The following PI4K2B variants were observed in gnomAD, a reference collection of about 807,000 sequenced individuals.
The protein encoded by PI4K2B is phosphatidylinositol 4-kinase type 2 beta, also known as phosphatidylinositol 4-kinase type 2-beta.
Under a neutral mutation model 56.6 loss-of-function variants are expected in PI4K2B, and 46 were observed. That is an observed-to-expected ratio of 0.81 (90% CI 0.64 to 1.04). The LOEUF (loss-of-function observed/expected upper bound fraction) is 1.04. Ranked by LOEUF, PI4K2B falls within the 50% of genes least tolerant of loss-of-function variation. The pLI, the probability that PI4K2B is intolerant of heterozygous loss-of-function variation, is 0.00. For missense variants in PI4K2B, 556 were observed against 607.7 expected, an observed-to-expected ratio of 0.91 and a Z score of 0.89; for synonymous variants, 211 against 223.8, an observed-to-expected ratio of 0.94 and a Z score of 0.51.
At chr4:25,236,304 T>C (rs923168723) in intron 1 of PI4K2B, among the ~76,000 whole-genome samples, 3 of 151,824 alleles carry the variant, frequency 2.0e-5, no homozygotes, top group African/African-American at 7.3e-5. Flanking sequence ...AATCCCAGCA[T>C]TTTGGAAGGC....
At position 25,258,213 on chromosome 4, in the gene PI4K2B, C is replaced by CTTTTTTTTTTTT. The variant is rs545122643; in HGVS notation, c.757-821_757-810dup. The stretch of plus-strand genomic sequence containing the variant: ...AATCTGTGTGGTTAAGGAATCTGTC[C>CTTTTTTTTTTTT]TTTTTTTTTTTTTTGAGACAGTCTC... On this transcript the variant is annotated intron_variant, in intron 4 of 9. Transcript: ENST00000264864. Among the ~76,000 whole-genome samples, 66 of 119,008 alleles carry CTTTTTTTTTTTT rather than the reference C, an allele frequency of 5.5e-4. 3 individuals are homozygous for CTTTTTTTTTTTT. Among genetic ancestry groups the CTTTTTTTTTTTT allele is most frequent in the Non-Finnish European group, 6.5e-4 (37 of 57,104 alleles). 78.1% of individuals were successfully genotyped at this position (119,008 alleles called of 152,430 possible).
intron 9 of PI4K2B, among the ~76,000 whole-genome samples, chr4:25,275,684 A>C (rs528580115): frequency 1.8e-4 from 27 of 152,224 alleles, no homozygotes; most frequent in African/African-American, 4.6e-4. Flanking sequence ...CAAAACAAAA[A>C]AAAAGAAAAT....
intron 1 of PI4K2B, among the ~76,000 whole-genome samples, chr4:25,251,544 C>T (rs1267160434): frequency 6.6e-6 from 1 of 151,932 alleles, no homozygotes; most frequent in Non-Finnish European, 1.5e-5. Context: ...ATTCCAGTGA[C>T]GTGGGGGAGC....
At position 25,255,223 on chromosome 4, in the gene PI4K2B, T is replaced by C. The variant is rs1407519296; in HGVS notation, c.582T>C (p.Leu194=). ...QGYLSEAGAY[L]VDNKLHLSIV... ...ACCTTTCCGAAGCGGGTGCCTATCT[T>C]GTGGACAACAAGCTTCATCTGAGCA... is the stretch of plus-strand genomic sequence containing the variant. The change falls in exon 3 of 10, where the codon CTT becomes CTC. Residue 194 remains leucine, a synonymous_variant. Transcript: ENST00000264864. 1 of 1,614,064 alleles carries C rather than the reference T, an allele frequency of 6.2e-7. No individual in the cohort carries two copies. Among genetic ancestry groups the C allele is most frequent in the Non-Finnish European group, 8.5e-7 (1 of 1,180,034 alleles).
intron 5 of PI4K2B, 106 bp downstream of exon 5, chr4:25,259,296 C>T (rs1264211580): frequency 1.3e-6 from 1 of 742,348 alleles, no homozygotes; most frequent in Non-Finnish European, 2.3e-6. Context: ...GTCTTGAAGC[C>T]ACTTTCTCTG....
rs769593369 is a variant in PI4K2B, at chr4:25,263,653, A to G, written c.979-97A>G. 8 of 506,382 alleles carry G rather than the reference A, an allele frequency of 1.6e-5. No individual in the cohort carries two copies. In the South Asian group the frequency reaches 3.1e-4, roughly 19 times the overall value. 31.4% of individuals were successfully genotyped at this position (506,382 alleles called of 1,614,324 possible). A position where few individuals can be genotyped will look rare whatever the true frequency, so the allele number is the denominator to read the frequency against. On this transcript the variant is annotated intron_variant, in intron 6 of 9. Transcript: ENST00000264864. ...TATTTTTATAGGCTCATCCGAGAGA[A>G]TATGTTCTTAAACCTCAATAATTAT...
Position 25,234,357 on chromosome 4 carries a change from C to T in PI4K2B, c.194C>T (p.Pro65Leu), listed in dbSNP as rs1166354956. The change falls in exon 1 of 10, where the codon CCC (proline) becomes CTC (leucine). Residue 65 changes from proline to leucine, a missense_variant. Transcript: ENST00000264864. Reference protein sequence around the residue: ...EEGEAGDEELPLPPGDVGVSR... With the variant: ...EEGEAGDEELLLPPGDVGVSR... Reference sequence around the variant, plus strand: ...GGCGAGGCCGGCGACGAGGAGCTGCCCCTCCCGCCCGGGGACGTGGGGGTC... The same window carrying T: ...GGCGAGGCCGGCGACGAGGAGCTGCTCCTCCCGCCCGGGGACGTGGGGGTC... The T allele has an allele frequency of 2.1e-6, 3 of 1,411,910 alleles. No homozygotes were observed. Among genetic ancestry groups the T allele is most frequent in the East Asian group, 3.1e-5 (1 of 32,652 alleles). The allele number at this position is 1,411,910 out of a possible 1,614,324, so 87.5% of individuals were successfully genotyped here.
intron 9 of PI4K2B, among the ~76,000 whole-genome samples, chr4:25,273,729 G>A (rs1445747789): frequency 2.0e-5 from 3 of 152,118 alleles, no homozygotes; most frequent in African/African-American, 4.8e-5. Context: ...CCTCTTCCAC[G>A]CTGAAACAAG....
Position 25,263,849 on chromosome 4 carries a change from T to TATCCATTTCACTGGGCTTGGCTTCCTCAA in PI4K2B, c.1078_1078+1insATCCATTTCACTGGGCTTGGCTTCCTCAA (p.Ala370IlefsTer19). On this transcript the variant is annotated frameshift_variant and splice_region_variant. Coordinates refer to ENST00000264864, the MANE Select transcript of PI4K2B (RefSeq NM_018323.4). LOFTEE classifies it high-confidence loss of function. ...TAAACATCCTGATGAATGGAGAGCA[T>TATCCATTTCACTGGGCTTGGCTTCCTCAA]GTGAGTATTTAGAACCTTCTGTAGA... 7.4e-7 allele frequency: 1 copy of TATCCATTTCACTGGGCTTGGCTTCCTCAA among 1,345,170 alleles called. No homozygotes were observed. Among genetic ancestry groups the TATCCATTTCACTGGGCTTGGCTTCCTCAA allele is most frequent in the Non-Finnish European group, 1.1e-6 (1 of 938,836 alleles). 83.3% of individuals were successfully genotyped at this position (1,345,170 alleles called of 1,614,324 possible). A position where few individuals can be genotyped will look rare whatever the true frequency, so the allele number is the denominator to read the frequency against.
intron 1 of PI4K2B, among the ~76,000 whole-genome samples, chr4:25,249,954 C>G (rs1715977811): frequency 6.6e-6 from 1 of 152,230 alleles, no homozygotes; most frequent in Admixed American, 6.5e-5. Context: ...GAGCGAGACT[C>G]CGTTTGCAAT....
chr4:25,236,881 T>C (rs1334167475), intron 1 of PI4K2B, among the ~76,000 whole-genome samples: 1 of 152,240 alleles, frequency 6.6e-6, no homozygotes, highest in Non-Finnish European at 1.5e-5. Context: ...TTTTAAAGAC[T>C]AAAATGTTCA....
intron 4 of PI4K2B, among the ~76,000 whole-genome samples, chr4:25,258,819 G>A (rs1716351597): frequency 6.6e-6 from 1 of 151,994 alleles, no homozygotes; most frequent in African/African-American, 2.4e-5. Flanking sequence ...TGAAAGTCTA[G>A]GGGTAAGCAT....
rs1717156812 is a variant in PI4K2B, at chr4:25,277,707, A to G, written c.*520A>G. On this transcript the variant is annotated 3_prime_UTR_variant, in exon 10 of 10. Transcript: ENST00000264864. ...AATAAGTACTCCTAAAGTGACCATT[A>G]TTAGGGACCAGAAAATTATATCTTG... is the stretch of plus-strand genomic sequence containing the variant. The G allele has an allele frequency of 6.6e-6, 1 of 152,228 alleles. No homozygotes were observed. Among genetic ancestry groups the G allele is most frequent in the African/African-American group, 2.4e-5 (1 of 41,458 alleles). 9.4% of individuals were successfully genotyped at this position (152,228 alleles called of 1,614,324 possible). A position where few individuals can be genotyped will look rare whatever the true frequency, so the allele number is the denominator to read the frequency against.
intron 4 of PI4K2B, among the ~76,000 whole-genome samples, chr4:25,257,455 C>T (rs184993014): frequency 6.6e-6 from 1 of 152,082 alleles, no homozygotes; most frequent in Non-Finnish European, 1.5e-5. Flanking sequence ...AAATTCATGT[C>T]AAGGACTTGG....
intron 7 of PI4K2B, among the ~76,000 whole-genome samples, chr4:25,266,671 A>T (rs1716673493): frequency 1.3e-5 from 2 of 152,240 alleles, no homozygotes; most frequent in South Asian, 4.1e-4. Flanking sequence ...TTTACCAAAC[A>T]TGCAGTTGGG....
intron 1 of PI4K2B, among the ~76,000 whole-genome samples, chr4:25,242,828 C>T (rs1715583709): frequency 6.6e-6 from 1 of 152,194 alleles, no homozygotes; most frequent in South Asian, 2.1e-4. Flanking sequence ...CCTTCCAATG[C>T]CCAGACTTCA....
chr4:25,262,494 AAG>A (rs1168382533), intron 6 of PI4K2B, among the ~76,000 whole-genome samples: 4 of 152,354 alleles, frequency 2.6e-5, no homozygotes, highest in Admixed American at 2.6e-4. Flanking sequence ...TATAAACTAA[AAG>A]AAATAAAGTT....
In PI4K2B at chr4:25,241,224, T is replaced by G. The variant is rs191691565; in HGVS notation, c.268+6793T>G. Among the ~76,000 whole-genome samples, 7 of 152,374 alleles carry G rather than the reference T, an allele frequency of 4.6e-5. No homozygotes were observed. The East Asian group carries it at 1.3e-3, about 29-fold the overall frequency. Reference sequence around the variant, plus strand: ...TTATTCTTTTTCCCTTTCCCAGTTCTAAGGCTCTGGTAAGTGCCACTAGTT... The same window carrying G: ...TTATTCTTTTTCCCTTTCCCAGTTCGAAGGCTCTGGTAAGTGCCACTAGTT... On this transcript the variant is annotated intron_variant, in intron 1 of 9. Transcript: ENST00000264864.
intron 6 of PI4K2B, 50 bp downstream of exon 6, chr4:25,260,641 T>TATAC (rs1553890274): frequency 4.8e-3 from 330 of 69,326 alleles, no homozygotes; most frequent in East Asian, 0.017. Flanking sequence ...TATATATATA[T>TATAC]ACACACACAC....
Sources: gnomAD v4.1 joint callset for allele counts (sites outside exome capture counted in the v4.1 genomes callset) on GRCh38, gnomAD v4.1.1 for gene constraint, MANE v1.5 for transcripts, NCBI Gene and HGNC (gene_info 2026-07-23, HGNC 2026-07-21) for gene names.